The following RAP1GAP2 variants were observed in gnomAD, a reference collection of about 807,000 sequenced individuals.
RAP1GAP2 encodes the protein RAP1 GTPase activating protein 2, also known as rap1 GTPase-activating protein 2.
Under a neutral mutation model 95.0 loss-of-function variants are expected in RAP1GAP2, and 27 were observed. That is an observed-to-expected ratio of 0.28 (90% CI 0.21 to 0.39). The LOEUF is 0.39. RAP1GAP2 is among the 10% of genes least tolerant of loss of function. RAP1GAP2 has a pLI of 1.00. For synonymous variants in RAP1GAP2, 373 were observed against 380.9 expected (o/e 0.98, Z 0.24); for missense variants, 771 against 970.0 (o/e 0.79, Z 2.72).
At chr17:3,032,931 T>G (rs2047373845) in intron 24 of RAP1GAP2, 1 of 183,410 alleles carries the variant, frequency 5.5e-6, no homozygotes, top group African/African-American at 2.3e-5. Flanking sequence ...GGGCACGTGG[T>G]TTGAGCAGAG....
intron 1 of RAP1GAP2, among the ~76,000 whole-genome samples, chr17:2,787,819 G>A (rs1477408103): frequency 1.3e-5 from 2 of 152,148 alleles, no homozygotes; most frequent in Non-Finnish European, 2.9e-5. Context: ...TGCCCGCCTC[G>A]GCCTCCCAAA....
At chr17:3,020,769 A>G (rs535407783) in intron 19 of RAP1GAP2, among the ~76,000 whole-genome samples, 174 bp downstream of exon 19, 9 of 152,258 alleles carry the variant, frequency 5.9e-5, no homozygotes, top group African/African-American at 2.2e-4. Flanking sequence ...TCTTTATCCA[A>G]AGAGGCGGAC....
At chr17:2,942,942 T>C (rs994173140) in intron 3 of RAP1GAP2, among the ~76,000 whole-genome samples, 1 of 152,020 alleles carries the variant, frequency 6.6e-6, no homozygotes, top group African/African-American at 2.4e-5. Flanking sequence ...CTAATTTTTG[T>C]ATTTTTAGTA....
At chr17:2,851,508 C>T (rs4790098) in intron 2 of RAP1GAP2, among the ~76,000 whole-genome samples, 37,132 of 151,746 alleles carry the variant, frequency 0.24, 5,062 homozygotes, top group East Asian at 0.31. Context: ...CCAAAGGTGG[C>T]GAGCTTGTAG....
At chr17:2,936,103 C>CTT (rs34892554) in intron 3 of RAP1GAP2, among the ~76,000 whole-genome samples, 11 of 143,774 alleles carry the variant, frequency 7.7e-5, no homozygotes, top group Admixed American at 1.4e-4. Context: ...AGTTTTGCCT[C>CTT]TTTTTTTTTT....
rs200335176 is a variant in RAP1GAP2 at position 3,020,555 on chromosome 17, C to T, written c.1711C>T (p.His571Tyr). Residue 571 changes from histidine (H) to tyrosine (Y), a missense_variant, in exon 19 of 25, where the codon CAC (histidine) becomes TAC (tyrosine). Transcript: ENST00000254695. The stretch of plus-strand genomic sequence containing the variant: ...ACGCTCGGGGCTCTTCCCCCGCCTG[C>T]ACACGGGCTCAGAAGGCCAGGGCGA... ...KRRSGLFPRL[H>Y]TGSEGQGDSR... The T allele has an allele frequency of 5.0e-6, 8 of 1,613,934 alleles. No homozygotes were observed. Among genetic ancestry groups the T allele is most frequent in the Middle Eastern group, 1.7e-4 (1 of 6,060 alleles).
At chr17:2,777,240 G>A (rs2068524423) in exon 1 of RAP1GAP2, 1 of 152,752 alleles carries the variant, frequency 6.5e-6, no homozygotes, top group East Asian at 1.9e-4. Context: ...GCCCCTGTCA[G>A]GATCTGGCGA....
chr17:2,963,552 C>G lies in RAP1GAP2; in HGVS notation c.279+90C>G. The G allele has an allele frequency of 1.9e-6, 3 of 1,544,788 alleles. No individual in the cohort carries two copies. The South Asian group carries it at 3.4e-5, about 17-fold the overall frequency. ...TGATGGCGATGGCCTGTGCCCAGCC[C>G]CCCAGGGGAGAGAACCTTGGGCCTG... On this transcript the variant is annotated intron_variant, in intron 6 of 24. Transcript: ENST00000254695. This position sits in a 1 kb window ranked among gnomAD's most constrained non-coding sequence, Gnocchi z 4.8.
At chr17:2,832,952 C>T (rs562509411) in intron 2 of RAP1GAP2, among the ~76,000 whole-genome samples, 5 of 151,638 alleles carry the variant, frequency 3.3e-5, no homozygotes, top group East Asian at 3.9e-4. Flanking sequence ...CACTCCAGCC[C>T]GGGTCACAGA....
intron 8 of RAP1GAP2, among the ~76,000 whole-genome samples, chr17:2,978,341 C>T (rs2151528822): frequency 6.6e-6 from 1 of 152,212 alleles, no homozygotes; most frequent in South Asian, 2.1e-4. Context: ...ATGAGGGTGG[C>T]TTGAACACAG....
At chr17:2,971,936 T>C (rs148270489) in intron 8 of RAP1GAP2, among the ~76,000 whole-genome samples, 148 of 152,276 alleles carry the variant, frequency 9.7e-4, no homozygotes, top group African/African-American at 3.4e-3. Context: ...CGAATATAGA[T>C]GAGAAGAGAA....
upstream of RAP1GAP2, among the ~76,000 whole-genome samples, chr17:2,793,085 A>G (rs1406941510): frequency 6.6e-6 from 1 of 151,876 alleles, no homozygotes; most frequent in Non-Finnish European, 1.5e-5. Flanking sequence ...GCATCAACGT[A>G]TACTCCAAAG....
At chr17:2,911,065 T>G (rs2042361109) in intron 3 of RAP1GAP2, among the ~76,000 whole-genome samples, 1 of 152,142 alleles carries the variant, frequency 6.6e-6, no homozygotes, top group Non-Finnish European at 1.5e-5. Flanking sequence ...TCATGCTTGC[T>G]CATCTCACGC....
chr17:2,924,128 A>G lies in RAP1GAP2; in HGVS notation c.165+18760A>G, dbSNP rs183132765. Among the ~76,000 whole-genome samples the G allele has an allele frequency of 1.9e-3, 292 of 152,318 alleles. 2 individuals are homozygous for G. The highest frequency in any genetic ancestry group is 4.6e-3 in the Admixed American group (71 of 15,300). On this transcript the variant is annotated intron_variant, in intron 3 of 24. Coordinates refer to ENST00000254695, the MANE Select transcript of RAP1GAP2 (RefSeq NM_015085.5). Reference sequence around the variant, plus strand: ...ATATTAATTTAAAAAGGTAATTTCAACTTTATACATAGAGTTTGGCTCCCT... The same window carrying G: ...ATATTAATTTAAAAAGGTAATTTCAGCTTTATACATAGAGTTTGGCTCCCT...
At chr17:2,998,121 A>G in intron 13 of RAP1GAP2, 100 bp from the exon 14 acceptor site, 1 of 1,307,644 alleles carries the variant, frequency 7.6e-7, no homozygotes, top group East Asian at 2.3e-5. Flanking sequence ...CTCAGAATTC[A>G]GTTTTCCTGT....
Position 2,995,377 on chromosome 17 carries a change from G to T in RAP1GAP2, c.955G>T (p.Val319Leu). 1 of 1,613,808 alleles carries T rather than the reference G, an allele frequency of 6.2e-7. No homozygotes were observed. Among genetic ancestry groups the T allele is most frequent in the Non-Finnish European group, 8.5e-7 (1 of 1,179,728 alleles). Residue 319 changes from valine to leucine, a missense_variant, in exon 13 of 25, where the codon GTG (valine) becomes TTG (leucine). Val to Leu is a conservative substitution (Grantham distance 32, BLOSUM62 1). Transcript: ENST00000254695. ...GGACGTGACCCACGGACAGACAGGG[G>T]TGGAATCAGTGTACACAACATTCCG... is the stretch of plus-strand genomic sequence containing the variant. ...GLDVTHGQTG[V>L]ESVYTTFRDR... is the part of the protein sequence containing the mutation.
chr17:2,811,198 G>A (rs544154752), intron 2 of RAP1GAP2, among the ~76,000 whole-genome samples: 1 of 152,198 alleles, frequency 6.6e-6, no homozygotes, highest in East Asian at 1.9e-4. Context: ...CACCTGCCTG[G>A]GCTGATCTTT....
Position 2,796,713 on chromosome 17 carries a change from A to T in RAP1GAP2, c.44+142A>T. On this transcript the variant is annotated intron_variant, in intron 1 of 24. Coordinates refer to ENST00000254695, the MANE Select transcript of RAP1GAP2 (RefSeq NM_015085.5). This position sits in a 1 kb window ranked among gnomAD's most constrained non-coding sequence, Gnocchi z 4.7. ...TCTGCTGACGCCCTGGCAGGTCGAGATGCAGGATCCTGGTGGGGACATCAG... is the reference window on the plus strand; with the variant it reads ...TCTGCTGACGCCCTGGCAGGTCGAGTTGCAGGATCCTGGTGGGGACATCAG... The T allele has an allele frequency of 1.1e-6, 1 of 943,448 alleles. No homozygotes were observed. The highest frequency in any genetic ancestry group is 1.5e-5 in the South Asian group (1 of 67,828). 58.4% of individuals were successfully genotyped at this position (943,448 alleles called of 1,614,324 possible). A position where few individuals can be genotyped will look rare whatever the true frequency, so the allele number is the denominator to read the frequency against.
chr17:3,025,894 C>T (rs1389707637), intron 19 of RAP1GAP2, 114 bp from the exon 20 acceptor site: 13 of 729,560 alleles, frequency 1.8e-5, no homozygotes, highest in East Asian at 1.1e-4. Flanking sequence ...CAGGCGGGGG[C>T]GCTCTGACCC....
Sources: allele counts gnomAD v4.1 joint callset (sites outside exome capture counted in the v4.1 genomes callset), GRCh38; gene constraint gnomAD v4.1.1; non-coding constraint Gnocchi (gnomAD v3.1); transcripts MANE v1.5; gene names NCBI Gene and HGNC (gene_info 2026-07-23, HGNC 2026-07-21).